Variants in RAP1GAP2 observed in about 807,000 individuals in gnomAD.
RAP1GAP2 encodes RAP1 GTPase activating protein 2, also known as rap1 GTPase-activating protein 2.
A neutral mutation model predicts 95.0 loss-of-function variants in RAP1GAP2; 27 were observed. The ratio of observed to expected loss-of-function variants is 0.28; its 90% confidence interval spans 0.21 to 0.39. The LOEUF is 0.39. Among genes scored for constraint, RAP1GAP2 ranks in the 10% least tolerant of loss-of-function variants. The pLI, the probability that RAP1GAP2 is intolerant of heterozygous loss-of-function variation, is 1.00. For missense variants in RAP1GAP2, 771 were observed against 970.0 expected, an observed-to-expected ratio of 0.79 and a Z score of 2.72; for synonymous variants, 373 against 380.9, an observed-to-expected ratio of 0.98 and a Z score of 0.24.
chr17:2,912,894 T>A (rs1425627521), intron 3 of RAP1GAP2, among the ~76,000 whole-genome samples: 2 of 152,144 alleles, frequency 1.3e-5, no homozygotes, highest in Non-Finnish European at 2.9e-5. Context: ...CATGGAGATG[T>A]TGGCTGGGCA....
chr17:2,898,374 C>A (rs2151714953), intron 2 of RAP1GAP2, among the ~76,000 whole-genome samples: 1 of 152,340 alleles, frequency 6.6e-6, no homozygotes, highest in African/African-American at 2.4e-5. Flanking sequence ...ATTCACTCCA[C>A]CTGTTGGAGC....
At chr17:2,926,964 C>CCACTG (rs1467686167) in intron 3 of RAP1GAP2, among the ~76,000 whole-genome samples, 2 of 142,480 alleles carry the variant, frequency 1.4e-5, no homozygotes, top group Admixed American at 1.4e-4. Context: ...TGAGATTGTG[C>CCACTG]CACTGCACTC....
At chr17:3,012,203 C>T (rs2046571704) in intron 17 of RAP1GAP2, among the ~76,000 whole-genome samples, 1 of 152,148 alleles carries the variant, frequency 6.6e-6, no homozygotes, top group African/African-American at 2.4e-5. Context: ...TTTTGGACAT[C>T]TAGACCTACT....
chr17:3,008,868 T>C lies in RAP1GAP2; in HGVS notation c.1494+723T>C, dbSNP rs1597862176. On this transcript the variant is annotated intron_variant, in intron 17 of 24. Coordinates refer to ENST00000254695, the MANE Select transcript of RAP1GAP2 (RefSeq NM_015085.5). This position sits in a 1 kb window ranked among gnomAD's most constrained non-coding sequence, Gnocchi z 4.2. ...CAGCCTGTGCAGGTGGCGGAACGGG[T>C]CTTGTTATATTCACGAACACACGTG... 6.6e-6 allele frequency among the ~76,000 whole-genome samples: 1 copy of C among 151,972 alleles called. No individual in the cohort carries two copies. The highest frequency in any genetic ancestry group is 2.1e-4 in the South Asian group (1 of 4,796).
Position 2,866,632 on chromosome 17 carries a change from C to T in RAP1GAP2, c.81-38652C>T, listed in dbSNP as rs990188085. Among the ~76,000 whole-genome samples, 2 of 152,010 alleles carry T rather than the reference C, an allele frequency of 1.3e-5. No homozygotes were observed. The highest frequency in any genetic ancestry group is 2.9e-5 in the Non-Finnish European group (2 of 68,012). ...TTATTATTTTTTGAGGCAGCATCTC[C>T]CTCTGTCGCCAGGCTGGAGTGCAGT... On this transcript the variant is annotated intron_variant, in intron 2 of 24. Coordinates refer to ENST00000254695, the MANE Select transcript of RAP1GAP2 (RefSeq NM_015085.5). The surrounding 1 kb of genome is among the most constrained non-coding windows in gnomAD (Gnocchi z 4.0).
chr17:2,836,117 G>T (rs185379644), intron 2 of RAP1GAP2, among the ~76,000 whole-genome samples: 1 of 152,174 alleles, frequency 6.6e-6, no homozygotes, highest in Non-Finnish European at 1.5e-5. Flanking sequence ...GCCTTCGGGG[G>T]GTGCTCCCTG....
rs1567660057 is a variant in RAP1GAP2 at position 2,801,333 on chromosome 17, AGCGTGAT to A, written c.80+785_80+791del. On this transcript the variant is annotated intron_variant, in intron 2 of 24. Coordinates refer to ENST00000254695, the MANE Select transcript of RAP1GAP2 (RefSeq NM_015085.5). The stretch of plus-strand genomic sequence containing the variant: ...CTACTAAAAATACAAAAATTAGCTG[AGCGTGAT>A]GGCACTTGCCTGTAATCCCAGATAC... 4.0e-4 allele frequency among the ~76,000 whole-genome samples: 61 copies of A among 151,048 alleles called. 1 individual carries two copies. Among genetic ancestry groups the A allele is most frequent in the East Asian group, 3.4e-3 (17 of 4,986 alleles).
chr17:2,831,091 T>G (rs2070831789), intron 2 of RAP1GAP2, among the ~76,000 whole-genome samples: 1 of 17,520 alleles, frequency 5.7e-5, no homozygotes, highest in Non-Finnish European at 1.4e-4. Context: ...CTTTCTTTCT[T>G]TTTTTGAGAT....
At chr17:2,799,623 A>G (rs2069195624) in intron 1 of RAP1GAP2, among the ~76,000 whole-genome samples, 2 of 152,148 alleles carry the variant, frequency 1.3e-5, no homozygotes, top group African/African-American at 4.8e-5. Flanking sequence ...TGATGATGAC[A>G]TGTGGTGACA....
At chr17:2,991,452 G>A in intron 12 of RAP1GAP2, 55 bp downstream of exon 12, 1 of 1,364,704 alleles carries the variant, frequency 7.3e-7, no homozygotes, top group Non-Finnish European at 1.0e-6. Context: ...ACTAGAGGAA[G>A]GGCAAGACAG....
chr17:2,866,656 G>A lies in RAP1GAP2; in HGVS notation c.81-38628G>A, dbSNP rs2072625158. 6.6e-6 allele frequency among the ~76,000 whole-genome samples: 1 copy of A among 152,134 alleles called. No individual in the cohort carries two copies. The highest frequency in any genetic ancestry group is 2.4e-5 in the African/African-American group (1 of 41,416). Reference sequence around the variant, plus strand: ...CCCTCTGTCGCCAGGCTGGAGTGCAGTGGTGCGATCTCGGCTCACTGCAGC... The same window carrying A: ...CCCTCTGTCGCCAGGCTGGAGTGCAATGGTGCGATCTCGGCTCACTGCAGC... On this transcript the variant is annotated intron_variant, in intron 2 of 24. Coordinates refer to ENST00000254695, the MANE Select transcript of RAP1GAP2 (RefSeq NM_015085.5). This position sits in a 1 kb window ranked among gnomAD's most constrained non-coding sequence, Gnocchi z 4.0.
intron 1 of RAP1GAP2, among the ~76,000 whole-genome samples, chr17:2,779,818 A>C (rs2068597012): frequency 6.6e-6 from 1 of 151,498 alleles, no homozygotes; most frequent in Non-Finnish European, 1.5e-5. Flanking sequence ...CAGGAAAGGA[A>C]GGTGAGCGGG....
intron 2 of RAP1GAP2, among the ~76,000 whole-genome samples, chr17:2,896,628 C>T (rs979515918): frequency 6.6e-6 from 1 of 152,204 alleles, no homozygotes; most frequent in Non-Finnish European, 1.5e-5. Flanking sequence ...TGGTCCATCG[C>T]TCTGAGATAT....
chr17:2,872,001 A>G (rs1222726165), intron 2 of RAP1GAP2, among the ~76,000 whole-genome samples: 1 of 152,072 alleles, frequency 6.6e-6, no homozygotes, highest in Admixed American at 6.6e-5. Context: ...AGGTGGGTGA[A>G]TCACCTGAGG....
At chr17:2,773,275 C>T (rs978627591), upstream of RAP1GAP2, among the ~76,000 whole-genome samples, 2 of 152,144 alleles carry the variant, frequency 1.3e-5, no homozygotes, top group African/African-American at 2.4e-5. Flanking sequence ...GTGGACGATC[C>T]GCATCGGTGA....
At chr17:2,938,616 C>T (rs1320807482) in intron 3 of RAP1GAP2, among the ~76,000 whole-genome samples, 1 of 152,136 alleles carries the variant, frequency 6.6e-6, no homozygotes, top group Non-Finnish European at 1.5e-5. Flanking sequence ...AGGGCATGAG[C>T]ACTGCTATCT....
At position 2,903,050 on chromosome 17, in the gene RAP1GAP2, A is replaced by G. The variant is rs1395828510; in HGVS notation, c.81-2234A>G. ...GGAGAGCCAGGGCTGCTGTCCATCAAGGTGCCTGCGAGCCATCTCCAGAGG... is the reference window on the plus strand; with the variant it reads ...GGAGAGCCAGGGCTGCTGTCCATCAGGGTGCCTGCGAGCCATCTCCAGAGG... On this transcript the variant is annotated intron_variant, in intron 2 of 24. Transcript: ENST00000254695. The surrounding 1 kb of genome is among the most constrained non-coding windows in gnomAD (Gnocchi z 4.1). Among the ~76,000 whole-genome samples the G allele has an allele frequency of 2.0e-5, 3 of 152,138 alleles. No homozygotes were observed. The highest frequency in any genetic ancestry group is 1.9e-4 in the East Asian group (1 of 5,180).
chr17:2,799,353 T>G (rs75471751), intron 1 of RAP1GAP2, among the ~76,000 whole-genome samples: 1 of 152,298 alleles, frequency 6.6e-6, no homozygotes, highest in East Asian at 1.9e-4. Context: ...GGGGTGCCGC[T>G]TGCTTTGCTG....
Position 2,915,995 on chromosome 17 carries a change from C to T in RAP1GAP2, c.165+10627C>T, listed in dbSNP as rs1426181594. ...GATTACAGGCATGAGCCACTGCGCCCGGCTAGAAGCTTTATTGTTTTAGCT... is the reference window on the plus strand; with the variant it reads ...GATTACAGGCATGAGCCACTGCGCCTGGCTAGAAGCTTTATTGTTTTAGCT... On this transcript the variant is annotated intron_variant, in intron 3 of 24. Transcript: ENST00000254695. 3.9e-5 allele frequency among the ~76,000 whole-genome samples: 6 copies of T among 152,132 alleles called. No individual in the cohort carries two copies. The East Asian group carries it at 5.8e-4, about 15-fold the overall frequency.
Sources: allele counts gnomAD v4.1 joint callset (sites outside exome capture counted in the v4.1 genomes callset), GRCh38; gene constraint gnomAD v4.1.1; non-coding constraint Gnocchi (gnomAD v3.1); transcripts MANE v1.5; gene names NCBI Gene and HGNC (gene_info 2026-07-23, HGNC 2026-07-21).